The following PAFAH1B1 variants were observed in gnomAD, a reference collection of about 807,000 sequenced individuals.
PAFAH1B1 encodes the protein platelet activating factor acetylhydrolase 1b regulatory subunit 1.
PAFAH1B1 carries 2 observed loss-of-function variants against 57.5 expected under a neutral mutation model. The ratio of observed to expected loss-of-function variants is 0.03; its 90% CI spans 0.01 to 0.11. The LOEUF is 0.11. Among genes scored for constraint, PAFAH1B1 ranks in the 10% least tolerant of loss-of-function variants. The probability of loss-of-function intolerance (pLI) is 1.00; values close to 1 mark genes in which losing one functional copy is unlikely to be tolerated. For synonymous variants in PAFAH1B1, 152 were observed against 169.6 expected, an observed-to-expected ratio of 0.90 and a Z score of 0.81; for missense variants, 257 against 512.0, an observed-to-expected ratio of 0.50 and a Z score of 4.81.
At position 2,638,100 on chromosome 17, in the gene PAFAH1B1, T is replaced by C. The variant is rs2068646332; in HGVS notation, c.-189T>C. On this transcript the variant is annotated splice_region_variant and 5_prime_UTR_variant, in exon 2 of 11. Transcript: ENST00000397195. ...TTTTTTTCTTCTCTTTCTCCTTAGG[T>C]GGAATGAATCTTACTTGTTGAATAT... The C allele has an allele frequency of 9.6e-6, 5 of 520,976 alleles. No individual in the cohort carries two copies. The highest frequency in any genetic ancestry group is 1.9e-5 in the African/African-American group (1 of 51,958). The allele number at this position is 520,976 out of a possible 1,614,324, so 32.3% of individuals were successfully genotyped here.
At chr17:2,600,708 T>A (rs1182312428) in intron 1 of PAFAH1B1, among the ~76,000 whole-genome samples, 1 of 151,788 alleles carries the variant, frequency 6.6e-6, no homozygotes, top group Non-Finnish European at 1.5e-5. Flanking sequence ...ATGAGTCAGA[T>A]GTTTTGATTA....
chr17:2,673,935 A>T (rs1191719064), intron 7 of PAFAH1B1, 125 bp from the exon 8 acceptor site: 2 of 703,170 alleles, frequency 2.8e-6, no homozygotes, highest in Non-Finnish European at 5.2e-6. Flanking sequence ...TTGTACATTT[A>T]TTCTGTCGAC....
intron 1 of PAFAH1B1, among the ~76,000 whole-genome samples, chr17:2,617,292 G>A (rs1240325449): frequency 6.6e-6 from 1 of 152,156 alleles, no homozygotes; most frequent in Non-Finnish European, 1.5e-5. Flanking sequence ...TGAAAAAAGT[G>A]GTAGCTTAAT....
At chr17:2,602,237 T>G (rs546391857) in intron 1 of PAFAH1B1, among the ~76,000 whole-genome samples, 1 of 149,828 alleles carries the variant, frequency 6.7e-6, no homozygotes, top group Non-Finnish European at 1.5e-5. Flanking sequence ...AAAGAGAAAT[T>G]ATCTCCACCT....
At chr17:2,642,101 A>T (rs1272687014) in intron 2 of PAFAH1B1, 1 of 152,208 alleles carries the variant, frequency 6.6e-6, no homozygotes, top group Non-Finnish European at 1.5e-5. Context: ...GGCTACAGTG[A>T]TGCTTCTAAT....
chr17:2,660,444 TC>T (rs1196765826), intron 2 of PAFAH1B1, among the ~76,000 whole-genome samples: 1 of 151,842 alleles, frequency 6.6e-6, no homozygotes, highest in Non-Finnish European at 1.5e-5. Context: ...GTTGTTCCCC[TC>T]CCTGTGGTCC....
At chr17:2,647,101 G>A (rs1429575764) in intron 2 of PAFAH1B1, among the ~76,000 whole-genome samples, 1 of 152,164 alleles carries the variant, frequency 6.6e-6, no homozygotes, top group Non-Finnish European at 1.5e-5. Context: ...TGTAATCACA[G>A]CACTTTGGGA....
chr17:2,634,558 T>G (rs891569292), intron 1 of PAFAH1B1, among the ~76,000 whole-genome samples: 1 of 152,048 alleles, frequency 6.6e-6, no homozygotes, highest in Non-Finnish European at 1.5e-5. Context: ...ATGCATCTCA[T>G]TTTTTTTATT....
upstream of PAFAH1B1, chr17:2,593,318 G>GA (rs2068041783): frequency 6.6e-6 from 1 of 152,364 alleles, no homozygotes; most frequent in South Asian, 2.1e-4. Context: ...GAGCGCAAAA[G>GA]CAGGGCAGCG....
At chr17:2,610,081 C>T (rs2068250681) in intron 1 of PAFAH1B1, among the ~76,000 whole-genome samples, 1 of 152,242 alleles carries the variant, frequency 6.6e-6, no homozygotes, top group South Asian at 2.1e-4. Flanking sequence ...ACCTCAGCTT[C>T]CCAAAGTGGT....
intron 2 of PAFAH1B1, among the ~76,000 whole-genome samples, chr17:2,647,951 C>T (rs1428419282): frequency 6.6e-6 from 1 of 152,082 alleles, no homozygotes; most frequent in Non-Finnish European, 1.5e-5. Flanking sequence ...TTGCAGTGAT[C>T]CGAGATCATG....
chr17:2,665,297 A>T (rs1555526231), intron 2 of PAFAH1B1, 75 bp from the exon 3 acceptor site: 1 of 849,930 alleles, frequency 1.2e-6, no homozygotes, highest in Non-Finnish European at 2.0e-6. Context: ...GGTTAATGAG[A>T]TTTTAAATAA....
At chr17:2,623,264 T>TC (rs200014893) in intron 1 of PAFAH1B1, among the ~76,000 whole-genome samples, 2 of 74,830 alleles carry the variant, frequency 2.7e-5, no homozygotes. Context: ...TTCCTTTCTT[T>TC]TTTTTTTTTT....
intron 2 of PAFAH1B1, chr17:2,641,892 C>T (rs2068700212): frequency 6.6e-6 from 1 of 152,170 alleles, no homozygotes; most frequent in Admixed American, 6.6e-5. Flanking sequence ...TTTTCTCAGT[C>T]TTGGCACGAT....
chr17:2,636,043 C>G (rs1015306816), intron 1 of PAFAH1B1, among the ~76,000 whole-genome samples: 7 of 151,794 alleles, frequency 4.6e-5, no homozygotes, highest in Non-Finnish European at 1.0e-4. Flanking sequence ...TTGGTTGAGG[C>G]TGCAATGAAC....
intron 8 of PAFAH1B1, 129 bp from the exon 9 acceptor site, chr17:2,676,376 T>G (rs1250796947): frequency 1.5e-6 from 1 of 686,552 alleles, no homozygotes; most frequent in Admixed American, 2.2e-5. Flanking sequence ...AGACTCCGTC[T>G]GAAAACAAAC....
At chr17:2,650,800 G>T (rs1442061656) in intron 2 of PAFAH1B1, among the ~76,000 whole-genome samples, 2 of 152,074 alleles carry the variant, frequency 1.3e-5, no homozygotes, top group Non-Finnish European at 2.9e-5. Flanking sequence ...CCTCTGTGAA[G>T]TGCCTGTTCG....
chr17:2,600,625 T>A (rs898035345), intron 1 of PAFAH1B1, among the ~76,000 whole-genome samples: 8 of 151,768 alleles, frequency 5.3e-5, no homozygotes, highest in Non-Finnish European at 1.0e-4. Context: ...TATACTAGTG[T>A]TTTATCTATT....
chr17:2,648,951 A>G (rs1384856479), intron 2 of PAFAH1B1, among the ~76,000 whole-genome samples: 1 of 152,072 alleles, frequency 6.6e-6, no homozygotes, highest in African/African-American at 2.4e-5. Context: ...CTCATGTAGT[A>G]AGGCAACAGA....
Sources: allele counts gnomAD v4.1 joint callset (sites outside exome capture counted in the v4.1 genomes callset), GRCh38; gene constraint gnomAD v4.1.1; transcripts MANE v1.5; gene names NCBI Gene and HGNC (gene_info 2026-07-23, HGNC 2026-07-21).